The following CCDC158 variants were observed in gnomAD, a reference collection of about 807,000 sequenced individuals.
The protein encoded by CCDC158 is coiled-coil domain-containing protein 158.
Under a neutral mutation model 138.6 loss-of-function variants are expected in CCDC158, and 116 were observed. The observed-to-expected ratio is 0.84, with a 90% confidence interval of 0.72 to 0.98. The LOEUF (loss-of-function observed/expected upper bound fraction) is 0.98, where lower values mean the gene tolerates loss of function less well. CCDC158 is among the 50% of genes least tolerant of loss of function. The pLI is 0.00. For synonymous variants in CCDC158, 436 were observed against 442.4 expected (o/e 0.99, Z 0.18); for missense variants, 1,265 against 1,306.1 (o/e 0.97, Z 0.48).
chr4:76,340,252 T>C (rs1435085538), intron 18 of CCDC158, among the ~76,000 whole-genome samples: 2 of 152,250 alleles, frequency 1.3e-5, no homozygotes, highest in African/African-American at 4.8e-5. Flanking sequence ...AAAGAGGCTG[T>C]GCCAGGGCCT....
intron 12 of CCDC158, among the ~76,000 whole-genome samples, chr4:76,365,450 A>G (rs1428764022): frequency 6.6e-6 from 1 of 152,140 alleles, no homozygotes; most frequent in African/African-American, 2.4e-5. Flanking sequence ...TACTCTCTCC[A>G]AGCCACTTCT....
chr4:76,393,296 T>C (rs1440208713), intron 4 of CCDC158, among the ~76,000 whole-genome samples: 2 of 151,526 alleles, frequency 1.3e-5, no homozygotes, highest in Non-Finnish European at 2.9e-5. Context: ...CATAGAACAA[T>C]AGAATAGAAT....
At chr4:76,395,993 T>C (rs1408208781) in intron 4 of CCDC158, among the ~76,000 whole-genome samples, 3 of 152,210 alleles carry the variant, frequency 2.0e-5, no homozygotes, top group Non-Finnish European at 4.4e-5. Flanking sequence ...CTACTTATTA[T>C]AATTTTGAGT....
chr4:76,347,688 C>T (rs2110157653), intron 18 of CCDC158, among the ~76,000 whole-genome samples: 1 of 151,858 alleles, frequency 6.6e-6, no homozygotes, highest in African/African-American at 2.4e-5. Context: ...CACATGTATC[C>T]CAGAAGTTAA....
rs149351064 is a variant in CCDC158, at chr4:76,372,856, C to CTTT, written c.1030-1323_1030-1321dup. 2.7e-3 allele frequency among the ~76,000 whole-genome samples: 406 copies of CTTT among 149,144 alleles called. 2 individuals are homozygous for CTTT. The highest frequency in any genetic ancestry group is 9.0e-3 in the African/African-American group (367 of 40,716). On this transcript the variant is annotated intron_variant, in intron 9 of 24. Coordinates refer to ENST00000682701, the MANE Select transcript of CCDC158 (RefSeq NM_001394954.1). ...GACTGTTAATAGCGTTTCTATAGTT[C>CTTT]TTTTTTTTTTGAAATGGAATCTCGC...
chr4:76,328,950 T>G lies in CCDC158; in HGVS notation c.2960A>C (p.His987Pro). 1 of 1,613,834 alleles carries G rather than the reference T, an allele frequency of 6.2e-7. No individual in the cohort carries two copies. Among genetic ancestry groups the G allele is most frequent in the Non-Finnish European group, 8.5e-7 (1 of 1,179,716 alleles). Residue 987 changes from histidine to proline, a missense_variant, in exon 22 of 25, where the codon CAC becomes CCC. By Grantham distance (77) the His-to-Pro change is moderately conservative. Transcript: ENST00000682701. Reference protein sequence around the residue: ...ETLSREPVTLHAGDREDPSGC... With the variant: ...ETLSREPVTLPAGDREDPSGC... ...AGAGGGATCTTCCCTGTCTCCTGCG[T>G]GTAATGTGACTGGCTCTCTGGAAGC...
intron 3 of CCDC158, among the ~76,000 whole-genome samples, chr4:76,398,385 G>A (rs956641945): frequency 2.0e-5 from 3 of 152,102 alleles, no homozygotes; most frequent in Non-Finnish European, 4.4e-5. Context: ...TATATCACTT[G>A]GCCGGGCGTG....
At position 76,345,041 on chromosome 4, in the gene CCDC158, A is replaced by T. The variant is rs879831502; in HGVS notation, c.2664+5955T>A. On this transcript the variant is annotated intron_variant, in intron 18 of 24. Transcript: ENST00000682701. Reference sequence around the variant, plus strand: ...CTTCCTTACTAATTATTACAATAGGATCAACGATTCTTGTGTGAAAGCTGA... The same window carrying T: ...CTTCCTTACTAATTATTACAATAGGTTCAACGATTCTTGTGTGAAAGCTGA... 79 of 1,374,902 alleles carry T rather than the reference A, an allele frequency of 5.7e-5. No individual in the cohort carries two copies. The Admixed American group carries it at 1.1e-3, about 20-fold the overall frequency. 85.2% of individuals were successfully genotyped at this position (1,374,902 alleles called of 1,614,324 possible).
In CCDC158 at chr4:76,369,556, C is replaced by T. The variant is rs775250551; in HGVS notation, c.1217G>A (p.Arg406Gln). The change falls in exon 11 of 25, where the codon CGA (arginine) becomes CAA (glutamine). Residue 406 changes from arginine to glutamine, a missense_variant. Physicochemically the swap from Arg to Gln is conservative, Grantham distance 43. Transcript: ENST00000682701. The part of the protein sequence containing the change: ...EKEQNKRLWD[R>Q]DTGNSITIDH... ...AATGGTGATGCTGTTGCCTGTGTCT[C>T]GGTCCCACAGACGCTTATTCTGCTC... 1.2e-5 allele frequency: 20 copies of T among 1,614,022 alleles called. No individual in the cohort carries two copies. The highest frequency in any genetic ancestry group is 2.2e-5 in the East Asian group (1 of 44,882).
At chr4:76,341,707 T>C (rs144060342) in intron 18 of CCDC158, among the ~76,000 whole-genome samples, 1 of 152,386 alleles carries the variant, frequency 6.6e-6, no homozygotes, top group African/African-American at 2.4e-5. Context: ...TATATGTATG[T>C]ATATGTGTAT....
chr4:76,345,638 C>A (rs1371501909), intron 18 of CCDC158: 3 of 801,040 alleles, frequency 3.7e-6, no homozygotes, highest in African/African-American at 3.4e-5. Context: ...GAAAGCCAAG[C>A]ATCACTTGCA....
chr4:76,369,474 G>A lies in CCDC158; in HGVS notation c.1299C>T (p.Ala433=), dbSNP rs760593998. 11 of 1,614,136 alleles carry A rather than the reference G, an allele frequency of 6.8e-6. No homozygotes were observed. The highest frequency in any genetic ancestry group is 9.3e-6 in the Non-Finnish European group (11 of 1,180,014). Residue 433 remains alanine, a synonymous_variant, in exon 11 of 25, where the codon GCC becomes GCT. Coordinates refer to ENST00000682701, the MANE Select transcript of CCDC158 (RefSeq NM_001394954.1). ...NRNMEVQRLE[A]LLKALKSECQ... is the part of the protein sequence containing the mutation. ...ACTCGCTCTTCAAGGCCTTGAGCAG[G>A]GCTTCCAGGCGCTGCACCTCCATGT...
chr4:76,391,950 T>TA (rs1462371310), intron 4 of CCDC158, among the ~76,000 whole-genome samples: 11 of 151,840 alleles, frequency 7.2e-5, no homozygotes, highest in African/African-American at 2.7e-4. Flanking sequence ...ACATTCAACT[T>TA]ACCAGGATTG....
At chr4:76,333,906 T>C (rs1306917312) in intron 19 of CCDC158, 104 bp downstream of exon 19, 8 of 767,094 alleles carry the variant, frequency 1.0e-5, no homozygotes. Flanking sequence ...CAGATACTTT[T>C]AAAGTCATTT....
chr4:76,381,848 A>AT (rs987280818), intron 8 of CCDC158, among the ~76,000 whole-genome samples: 3 of 151,866 alleles, frequency 2.0e-5, no homozygotes, highest in Non-Finnish European at 2.9e-5. Context: ...TGCCCAGCTA[A>AT]TTTTTTGTAT....
intron 22 of CCDC158, among the ~76,000 whole-genome samples, chr4:76,327,977 C>T (rs1720677344): frequency 6.6e-6 from 1 of 152,008 alleles, no homozygotes; most frequent in Non-Finnish European, 1.5e-5. Flanking sequence ...TTTAAAAATT[C>T]CTTTTGTGTA....
rs1461624012 is a variant in CCDC158, at chr4:76,408,199, T to TA, written c.-74+3890dup. Among the ~76,000 whole-genome samples the TA allele has an allele frequency of 2.0e-5, 3 of 150,736 alleles. No homozygotes were observed. In the East Asian group the frequency reaches 5.8e-4, roughly 29 times the overall value. ...ATATGTATATATATATATATTTTTT[T>TA]ATTATACTTTAAGTTCTAGGGTACA... On this transcript the variant is annotated intron_variant, in intron 2 of 24. Transcript: ENST00000682701.
chr4:76,355,533 G>A lies in CCDC158; in HGVS notation c.2174-97C>T, dbSNP rs1316017522. 9 of 817,696 alleles carry A rather than the reference G, an allele frequency of 1.1e-5. No individual in the cohort carries two copies. The East Asian group carries it at 2.2e-4, about 20-fold the overall frequency. The allele number at this position is 817,696 out of a possible 1,614,324, so 50.7% of individuals were successfully genotyped here. A position where few individuals can be genotyped will look rare whatever the true frequency, so the allele number is the denominator to read the frequency against. On this transcript the variant is annotated intron_variant, in intron 14 of 24. Transcript: ENST00000682701. Reference sequence around the variant, plus strand: ...AACTTTATGAGAAGGTGACAAGTAAGATCCTCCAAGGTATCTGGGCAGTTT... The same window carrying A: ...AACTTTATGAGAAGGTGACAAGTAAAATCCTCCAAGGTATCTGGGCAGTTT...
At chr4:76,361,561 C>G (rs1041189786) in intron 13 of CCDC158, among the ~76,000 whole-genome samples, 3 of 151,924 alleles carry the variant, frequency 2.0e-5, no homozygotes, top group Non-Finnish European at 2.9e-5. Context: ...GACTCTGTCT[C>G]AAAAATAAAT....
Sources: allele counts gnomAD v4.1 joint callset (sites outside exome capture counted in the v4.1 genomes callset), GRCh38; gene constraint gnomAD v4.1.1; transcripts MANE v1.5; gene names NCBI Gene and HGNC (gene_info 2026-07-23, HGNC 2026-07-21).